STK33: variants seen among roughly 807,000 people sequenced by gnomAD.
STK33 encodes serine/threonine kinase 33.
A neutral mutation model predicts 58.0 loss-of-function variants in STK33; 52 were observed. The observed-to-expected ratio is 0.90, with a 90% CI of 0.72 to 1.13. The LOEUF (loss-of-function observed/expected upper bound fraction) is 1.13. Ranked by LOEUF, STK33 falls within the 50% of genes most tolerant of loss-of-function variation. The probability of loss-of-function intolerance (pLI) is 0.00; values close to 1 mark genes in which losing one functional copy is unlikely to be tolerated. For missense variants in STK33, 630 were observed against 604.2 expected, an observed-to-expected ratio of 1.04 and a Z score of -0.45; for synonymous variants, 215 against 200.1, an observed-to-expected ratio of 1.07 and a Z score of -0.63.
intron 11 of STK33, among the ~76,000 whole-genome samples, chr11:8,443,922 G>A (rs557552417): frequency 1.1e-4 from 16 of 152,290 alleles, no homozygotes; most frequent in African/African-American, 2.9e-4. Context: ...TGGGAGGAAC[G>A]TTTGAGCCTA....
chr11:8,436,262 A>T, intron 12 of STK33, 123 bp from the exon 13 acceptor site: 1 of 500,426 alleles, frequency 2.0e-6, no homozygotes, highest in Non-Finnish European at 3.4e-6. Flanking sequence ...ATGGGAAGAG[A>T]TGGGTACCTC....
chr11:8,557,286 G>GA (rs150095375), intron 1 of STK33, among the ~76,000 whole-genome samples: 1 of 34,286 alleles, frequency 2.9e-5, no homozygotes, highest in African/African-American at 1.3e-4. Context: ...GGAGGGGAGG[G>GA]GAGGAGAGAA....
At chr11:8,442,824 T>C (rs1405118535) in intron 11 of STK33, among the ~76,000 whole-genome samples, 1 of 152,118 alleles carries the variant, frequency 6.6e-6, no homozygotes, top group African/African-American at 2.4e-5. Flanking sequence ...TGGATAAGTC[T>C]CAAAATCATG....
chr11:8,528,753 C>A (rs2140068931), intron 1 of STK33, among the ~76,000 whole-genome samples: 1 of 152,288 alleles, frequency 6.6e-6, no homozygotes, highest in South Asian at 2.1e-4. Context: ...CACCTCAAAG[C>A]TTTTACGGTG....
intron 1 of STK33, among the ~76,000 whole-genome samples, chr11:8,578,658 G>C (rs1409954241): frequency 6.6e-6 from 1 of 151,616 alleles, no homozygotes; most frequent in Non-Finnish European, 1.5e-5. Context: ...CTTGGCTCCA[G>C]GGAAATTAAA....
At chr11:8,482,822 C>T (rs903300474) in intron 1 of STK33, among the ~76,000 whole-genome samples, 40 of 151,914 alleles carry the variant, frequency 2.6e-4, no homozygotes, top group Admixed American at 2.4e-3. Context: ...CTCCACCTCC[C>T]GGGTTCACGC....
the STK33 span, among the ~76,000 whole-genome samples, chr11:8,371,793 C>T: frequency 1.4e-5 from 2 of 140,522 alleles, no homozygotes; most frequent in South Asian, 4.8e-4. Context: ...TCCTTTCTCC[C>T]TCTCCCTCTC....
chr11:8,342,160 T>C, the STK33 span, among the ~76,000 whole-genome samples: 1 of 151,842 alleles, frequency 6.6e-6, no homozygotes, highest in Non-Finnish European at 1.5e-5. Flanking sequence ...GAAGGGGAGG[T>C]GGATTCAAAG....
intron 6 of STK33, chr11:8,465,077 C>A: frequency 1.1e-5 from 3 of 267,654 alleles, no homozygotes; most frequent in Non-Finnish European, 2.1e-5. Flanking sequence ...TGGAAAAACT[C>A]AAAAGTATAA....
At position 8,393,515 on chromosome 11, in the gene STK33, T is replaced by C. The variant is rs189376878; in HGVS notation, c.1345-805A>G. 2.6e-4 allele frequency among the ~76,000 whole-genome samples: 39 copies of C among 152,212 alleles called. No homozygotes were observed. The East Asian group carries it at 6.8e-3, about 26-fold the overall frequency. On this transcript the variant is annotated intron_variant, in intron 15 of 15. Transcript: ENST00000687296. ...CTTTTAATTAAGTGAAGCTGGAGCA[T>C]AGAGTTCTAAAAGAGTAGAGATTGT...
chr11:8,457,297 A>T (rs1946975682), intron 9 of STK33, 44 bp downstream of exon 9: 1 of 1,459,102 alleles, frequency 6.9e-7, no homozygotes, highest in Admixed American at 1.9e-5. Context: ...CAAAAGTGAC[A>T]TTAGTATTCA....
At chr11:8,421,885 T>C (rs569409545) in intron 14 of STK33, among the ~76,000 whole-genome samples, 1 of 152,270 alleles carries the variant, frequency 6.6e-6, no homozygotes, top group Admixed American at 6.5e-5. Context: ...TGCTAATGAG[T>C]AGAAGTGCAA....
chr11:8,577,382 C>A (rs1055615687), intron 1 of STK33, among the ~76,000 whole-genome samples: 1 of 151,876 alleles, frequency 6.6e-6, no homozygotes, highest in African/African-American at 2.4e-5. Flanking sequence ...ATTAGGAGAA[C>A]AAACAAAACT....
chr11:8,400,825 AACAG>A (rs1359486874), intron 15 of STK33, among the ~76,000 whole-genome samples: 1 of 152,214 alleles, frequency 6.6e-6, no homozygotes, highest in Non-Finnish European at 1.5e-5. Flanking sequence ...ATACACCAAT[AACAG>A]ACAAACAGAG....
the STK33 span, among the ~76,000 whole-genome samples, chr11:8,384,083 G>A: frequency 6.6e-6 from 1 of 152,148 alleles, no homozygotes; most frequent in Non-Finnish European, 1.5e-5. Flanking sequence ...AGAGAGTGAA[G>A]GCACAAGCTG....
intron 1 of STK33, among the ~76,000 whole-genome samples, chr11:8,565,519 C>T (rs1957391276): frequency 6.6e-6 from 1 of 152,080 alleles, no homozygotes; most frequent in Non-Finnish European, 1.5e-5. Flanking sequence ...ACAAGTTCTA[C>T]GACTGAAGGC....
intron 1 of STK33, among the ~76,000 whole-genome samples, chr11:8,548,810 A>G (rs1956118337): frequency 6.6e-6 from 1 of 152,216 alleles, no homozygotes; most frequent in Non-Finnish European, 1.5e-5. Flanking sequence ...TGCATTATAA[A>G]AAATGGTTAA....
chr11:8,448,366 T>A (rs1460261593), intron 11 of STK33, among the ~76,000 whole-genome samples: 1 of 152,184 alleles, frequency 6.6e-6, no homozygotes, highest in Non-Finnish European at 1.5e-5. Context: ...GGCATCACGC[T>A]ACCTGACTTC....
chr11:8,487,853 A>G (rs941269162), intron 1 of STK33, among the ~76,000 whole-genome samples: 1 of 152,212 alleles, frequency 6.6e-6, no homozygotes, highest in African/African-American at 2.4e-5. Context: ...ATAACTCTAG[A>G]TATTAACTAA....
Sources: gnomAD v4.1 joint callset for allele counts (sites outside exome capture counted in the v4.1 genomes callset) on GRCh38, gnomAD v4.1.1 for gene constraint, MANE v1.5 for transcripts, NCBI Gene and HGNC (gene_info 2026-07-23, HGNC 2026-07-21) for gene names.